BBS9: variants seen among roughly 807,000 people sequenced by gnomAD.
BBS9 encodes Bardet-Biedl syndrome 9.
In BBS9, 89 loss-of-function variants were observed where a neutral mutation model predicts 117.7. That is an observed-to-expected ratio of 0.76 (90% CI 0.64 to 0.90). The LOEUF (loss-of-function observed/expected upper bound fraction) is 0.90. BBS9 is among the 40% of genes least tolerant of loss of function. The pLI is 0.00. For missense variants in BBS9, 982 were observed against 1,042.2 expected, an observed-to-expected ratio of 0.94 and a Z score of 0.80; for synonymous variants, 379 against 370.9, an observed-to-expected ratio of 1.02 and a Z score of -0.25.
intron 21 of BBS9, among the ~76,000 whole-genome samples, chr7:33,581,357 C>T (rs769729771): frequency 1.9e-4 from 29 of 152,074 alleles, no homozygotes; most frequent in Non-Finnish European, 7.4e-5. Context: ...ATGACTGTGG[C>T]ACATTAAGCC....
chr7:33,302,561 A>G (rs1393724984), intron 9 of BBS9, among the ~76,000 whole-genome samples: 1 of 152,112 alleles, frequency 6.6e-6, no homozygotes, highest in African/African-American at 2.4e-5. Context: ...TGTTCTTGAC[A>G]CCTTTGTCAA....
intron 21 of BBS9, among the ~76,000 whole-genome samples, chr7:33,558,721 C>T (rs771146136): frequency 3.9e-5 from 6 of 151,932 alleles, no homozygotes; most frequent in Admixed American, 1.3e-4. Context: ...AGCAGAAGCC[C>T]GCAGCATGTT....
chr7:33,195,163 CT>C (rs1198898006), intron 5 of BBS9, among the ~76,000 whole-genome samples: 2 of 152,070 alleles, frequency 1.3e-5, no homozygotes, highest in African/African-American at 4.8e-5. Flanking sequence ...GGGACTGTGT[CT>C]TTTGTTCATC....
chr7:33,367,754 C>T lies in BBS9; in HGVS notation c.1694-13C>T, dbSNP rs1822060510. The T allele has an allele frequency of 6.2e-7, 1 of 1,612,782 alleles. No individual in the cohort carries two copies. Among genetic ancestry groups the T allele is most frequent in the South Asian group, 1.1e-5 (1 of 91,048 alleles). On this transcript the variant is annotated splice_polypyrimidine_tract_variant and intron_variant, in intron 16 of 22. Coordinates refer to ENST00000242067, the MANE Select transcript of BBS9 (RefSeq NM_198428.3). ...TCTGGTTACATAAGGTGATTTCTCTCTTTTCTTTGTAGGTTTTGCCAGTCA... is the reference window on the plus strand; with the variant it reads ...TCTGGTTACATAAGGTGATTTCTCTTTTTTCTTTGTAGGTTTTGCCAGTCA...
chr7:33,312,300 ATC>A (rs1460974840), intron 9 of BBS9, among the ~76,000 whole-genome samples: 4 of 152,228 alleles, frequency 2.6e-5, no homozygotes, highest in African/African-American at 9.6e-5. Context: ...GGATATAGGC[ATC>A]TGTCTTCCTT....
At chr7:33,538,554 A>G (rs1291390946) in intron 21 of BBS9, among the ~76,000 whole-genome samples, 1 of 144,782 alleles carries the variant, frequency 6.9e-6, no homozygotes, top group African/African-American at 2.5e-5. Context: ...GCCCATTTCA[A>G]CTGAATTTAA....
intron 11 of BBS9, among the ~76,000 whole-genome samples, chr7:33,344,078 G>GTTTTTTTTTTTTTTTTT (rs34530007): frequency 1.5e-5 from 1 of 67,466 alleles, no homozygotes; most frequent in Non-Finnish European, 2.5e-5. Context: ...TAGGGGATGA[G>GTTTTTTTTTTTTTTTTT]TTTTTTTTTT....
intron 1 of BBS9, 97 bp from the exon 2 acceptor site, chr7:33,146,145 T>G: frequency 1.2e-6 from 1 of 806,198 alleles, no homozygotes; most frequent in Non-Finnish European, 2.1e-6. Context: ...TATAGAAATG[T>G]CCTTCTCAGA....
chr7:33,185,336 C>T (rs1408092543), intron 5 of BBS9, among the ~76,000 whole-genome samples: 3 of 151,778 alleles, frequency 2.0e-5, no homozygotes, highest in Non-Finnish European at 2.9e-5. Context: ...GCTTTGGTTC[C>T]GATGCTTCTG....
At position 33,604,832 on chromosome 7, in the gene BBS9, T is replaced by C. The variant is rs185236992; in HGVS notation, c.2522-33T>C. 2,614 of 1,484,336 alleles carry C rather than the reference T, an allele frequency of 1.8e-3. 16 individuals carry two copies. The highest frequency in any genetic ancestry group is 0.016 in the Middle Eastern group (89 of 5,682). 91.9% of individuals were successfully genotyped at this position (1,484,336 alleles called of 1,614,324 possible). ...GTAGAGAGGCAGATTTTCTTACACA[T>C]TGCTTAAAATATTGTTTGTATTTTT... On this transcript the variant is annotated intron_variant, in intron 21 of 22. Transcript: ENST00000242067.
chr7:33,290,112 G>T (rs903230980), intron 9 of BBS9, among the ~76,000 whole-genome samples: 1 of 152,022 alleles, frequency 6.6e-6, no homozygotes, highest in Non-Finnish European at 1.5e-5. Flanking sequence ...TCGCATTTAG[G>T]ATTGAATGTC....
At chr7:33,258,493 G>A (rs1215737953) in intron 6 of BBS9, among the ~76,000 whole-genome samples, 1 of 152,112 alleles carries the variant, frequency 6.6e-6, no homozygotes, top group African/African-American at 2.4e-5. Context: ...AACCGATTTA[G>A]GAAGTGTATC....
chr7:33,485,470 T>C (rs944693537), intron 19 of BBS9, among the ~76,000 whole-genome samples: 1 of 151,572 alleles, frequency 6.6e-6, no homozygotes, highest in Non-Finnish European at 1.5e-5. Context: ...CCACCACGCC[T>C]GGCTAATTTT....
upstream of BBS9, chr7:33,129,287 G>T (rs1013761145): frequency 5.4e-6 from 3 of 553,286 alleles, no homozygotes; most frequent in Non-Finnish European, 9.6e-6. Flanking sequence ...ACGCGGCCGG[G>T]GGGGCGTGGC....
At chr7:33,428,338 T>C (rs1833931423) in intron 19 of BBS9, among the ~76,000 whole-genome samples, 1 of 152,294 alleles carries the variant, frequency 6.6e-6, no homozygotes, top group Admixed American at 6.5e-5. Context: ...TTTAAATATT[T>C]TATTGTGCTT....
chr7:33,497,241 G>A (rs78430495), intron 19 of BBS9, among the ~76,000 whole-genome samples: 16 of 152,316 alleles, frequency 1.1e-4, no homozygotes, highest in Non-Finnish European at 2.4e-4. Flanking sequence ...TTGTTTCCAT[G>A]TGACATCACT....
chr7:33,475,106 G>T, intron 19 of BBS9, among the ~76,000 whole-genome samples: 1 of 152,182 alleles, frequency 6.6e-6, no homozygotes, highest in East Asian at 1.9e-4. Flanking sequence ...GGCTCTAGGG[G>T]TTGGCAAACT....
intron 20 of BBS9, chr7:33,533,591 C>CT (rs755336682): frequency 7.8e-6 from 2 of 254,906 alleles, no homozygotes; most frequent in East Asian, 8.9e-5. Flanking sequence ...ATCCTAGCAG[C>CT]TTTACCCACC....
intron 19 of BBS9, among the ~76,000 whole-genome samples, chr7:33,391,242 A>G (rs1451569825): frequency 6.6e-6 from 1 of 152,214 alleles, no homozygotes; most frequent in Admixed American, 6.5e-5. Context: ...GCCATGCTAG[A>G]GTCCATTCCT....
Sources: gnomAD v4.1 joint callset for allele counts (sites outside exome capture counted in the v4.1 genomes callset) on GRCh38, gnomAD v4.1.1 for gene constraint, MANE v1.5 for transcripts, NCBI Gene and HGNC (gene_info 2026-07-23, HGNC 2026-07-21) for gene names.